Variants in TAB2 observed in about 807,000 individuals in gnomAD.
The protein encoded by TAB2 is TGF-beta-activated kinase 1 and MAP3K7-binding protein 2.
TAB2 carries 3 observed loss-of-function variants against 65.0 expected under a neutral mutation model. The observed-to-expected ratio is 0.05, with a 90% CI of 0.02 to 0.12. TAB2 has a LOEUF of 0.12. TAB2 is among the 10% of genes least tolerant of loss of function. The probability of loss-of-function intolerance (pLI) is 1.00; values close to 1 mark genes in which losing one functional copy is unlikely to be tolerated. For synonymous variants in TAB2, 298 were observed against 285.1 expected (o/e 1.05, Z -0.46); for missense variants, 623 against 840.3 (o/e 0.74, Z 3.20).
chr6:149,389,575 G>A (rs1480653917), intron 3 of TAB2, among the ~76,000 whole-genome samples: 4 of 150,878 alleles, frequency 2.7e-5, no homozygotes, highest in East Asian at 2.0e-4. Context: ...AACCTGGGAG[G>A]TGGAGGTTGT....
intron 1 of TAB2, among the ~76,000 whole-genome samples, chr6:149,294,631 C>A (rs912610916): frequency 6.6e-6 from 1 of 152,154 alleles, no homozygotes; most frequent in African/African-American, 2.4e-5. Context: ...TCTAATTCCA[C>A]GGTCATGTAT....
intron 1 of TAB2, among the ~76,000 whole-genome samples, chr6:149,349,851 C>T (rs1398826026): frequency 6.6e-6 from 1 of 152,092 alleles, no homozygotes; most frequent in East Asian, 1.9e-4. Context: ...ACTGAGCATC[C>T]ACTTGACATA....
intron 6 of TAB2, among the ~76,000 whole-genome samples, chr6:149,401,831 G>T (rs1782425614): frequency 6.6e-6 from 1 of 151,874 alleles, no homozygotes; most frequent in Non-Finnish European, 1.5e-5. Context: ...CATAAAATTT[G>T]TGGAAATTTA....
chr6:149,222,782 T>C lies in TAB2; in HGVS notation c.-121+4006T>C, dbSNP rs1777180500. The stretch of plus-strand genomic sequence containing the variant: ...GACCTACACTTTTCTTGCTGATGCC[T>C]GGCCATAGGCAGCAGCGCAAGACTG... On this transcript the variant is annotated intron_variant, in intron 1 of 1. Transcript: ENST00000606202. Among the ~76,000 whole-genome samples, 5 of 152,160 alleles carry C rather than the reference T, an allele frequency of 3.3e-5. No individual in the cohort carries two copies. The South Asian group carries it at 8.3e-4, about 25-fold the overall frequency.
intron 1 of TAB2, among the ~76,000 whole-genome samples, chr6:149,359,012 T>C (rs1487930969): frequency 6.6e-6 from 1 of 152,136 alleles, no homozygotes; most frequent in Non-Finnish European, 1.5e-5. Context: ...ACTTTATATC[T>C]TATTGTTATG....
chr6:149,237,477 C>T (rs1412747216), intron 1 of TAB2, among the ~76,000 whole-genome samples: 1 of 152,214 alleles, frequency 6.6e-6, no homozygotes, highest in Non-Finnish European at 1.5e-5. Flanking sequence ...ATCTACTATG[C>T]ACCCCCATGA....
intron 3 of TAB2, among the ~76,000 whole-genome samples, chr6:149,392,545 G>A (rs1782025481): frequency 6.6e-6 from 1 of 152,138 alleles, no homozygotes; most frequent in African/African-American, 2.4e-5. Flanking sequence ...GTTGTTACCT[G>A]CATTTTCCAA....
At chr6:149,285,068 G>C (rs534257248) in intron 1 of TAB2, among the ~76,000 whole-genome samples, 8 of 152,106 alleles carry the variant, frequency 5.3e-5, no homozygotes, top group African/African-American at 1.9e-4. Flanking sequence ...GGGATCCCAC[G>C]ATCTGGTTTC....
At chr6:149,394,637 G>A (rs1028768337) in intron 3 of TAB2, among the ~76,000 whole-genome samples, 1 of 152,102 alleles carries the variant, frequency 6.6e-6, no homozygotes, top group African/African-American at 2.4e-5. Flanking sequence ...AGTGGAGCTG[G>A]GTTTGGGTTT....
At chr6:149,381,825 A>C (rs1327130466) in intron 3 of TAB2, among the ~76,000 whole-genome samples, 1 of 151,836 alleles carries the variant, frequency 6.6e-6, no homozygotes, top group Non-Finnish European at 1.5e-5. Flanking sequence ...TGCCTGTCTC[A>C]GTCTCCCAAA....
At chr6:149,326,691 G>A (rs1779631151) in intron 1 of TAB2, among the ~76,000 whole-genome samples, 1 of 152,048 alleles carries the variant, frequency 6.6e-6, no homozygotes, top group Admixed American at 6.6e-5. Context: ...GGGATTACAG[G>A]CGCCCACCAC....
Position 149,397,721 on chromosome 6 carries a change from G to T in TAB2, c.1721G>T (p.Arg574Leu). ...AATGAAATGGAAAATAATCTAACTC[G>T]AAGGCGCCTGAAAAGATCAAATTCT... ...EVNEMENNLTRRRLKRSNSIS... is the reference protein window; with the variant it reads ...EVNEMENNLTLRRLKRSNSIS... Residue 574 changes from arginine to leucine, a missense_variant, in exon 4 of 7, where the codon CGA becomes CTA. Physicochemically the swap from Arg to Leu is moderately radical, Grantham distance 102. This residue lies in a region of TAB2 where 550 missense variants were observed against 665.7 expected (regional missense o/e 0.83). Transcript: ENST00000637181. The T allele has an allele frequency of 6.2e-7, 1 of 1,613,890 alleles. No individual in the cohort carries two copies. The highest frequency in any genetic ancestry group is 8.5e-7 in the Non-Finnish European group (1 of 1,179,996).
At chr6:149,309,438 C>T (rs1021882770) in intron 1 of TAB2, among the ~76,000 whole-genome samples, 4 of 149,638 alleles carry the variant, frequency 2.7e-5, no homozygotes, top group African/African-American at 1.0e-4. Flanking sequence ...GCTCTGTCAC[C>T]CAGGCTGGAG....
At chr6:149,346,498 G>C (rs958157463) in intron 1 of TAB2, 4 of 139,902 alleles carry the variant, frequency 2.9e-5, no homozygotes, top group Non-Finnish European at 6.0e-5. Context: ...TTGTTGCCCA[G>C]GCTGGAGTGC....
chr6:149,319,630 T>G (rs1014611178), intron 1 of TAB2, among the ~76,000 whole-genome samples: 2 of 152,174 alleles, frequency 1.3e-5, no homozygotes, highest in Admixed American at 6.5e-5. Context: ...TCTGTTTGGG[T>G]TTTTCCCCCA....
chr6:149,346,125 GGGGTGGAT>G (rs1444886654), intron 1 of TAB2, among the ~76,000 whole-genome samples: 2 of 152,164 alleles, frequency 1.3e-5, no homozygotes, highest in African/African-American at 2.4e-5. Flanking sequence ...GAGGGAGGAA[GGGGTGGAT>G]GGGTGGATGG....
At chr6:149,243,086 G>T (rs1455831975) in intron 1 of TAB2, among the ~76,000 whole-genome samples, 1 of 152,190 alleles carries the variant, frequency 6.6e-6, no homozygotes, top group Non-Finnish European at 1.5e-5. Context: ...TGAAATAGCT[G>T]CCTGCTGACT....
At chr6:149,356,016 A>G (rs1181831176) in intron 1 of TAB2, among the ~76,000 whole-genome samples, 2 of 152,222 alleles carry the variant, frequency 1.3e-5, no homozygotes, top group African/African-American at 4.8e-5. Context: ...GCTCTTTGAG[A>G]AGTGATAAAT....
At chr6:149,301,889 T>C (rs534352634) in intron 1 of TAB2, among the ~76,000 whole-genome samples, 53 of 152,280 alleles carry the variant, frequency 3.5e-4, no homozygotes, top group Non-Finnish European at 7.2e-4. Context: ...CTTTGAAAGA[T>C]TATGGCACGT....
Sources: allele counts gnomAD v4.1 joint callset (sites outside exome capture counted in the v4.1 genomes callset), GRCh38; gene constraint gnomAD v4.1.1; regional missense constraint gnomAD v4.1.1; transcripts MANE v1.5; gene names NCBI Gene and HGNC (gene_info 2026-07-23, HGNC 2026-07-21).